The following SUPT20H variants were observed in gnomAD, a reference collection of about 807,000 sequenced individuals.
SUPT20H encodes transcription factor SPT20 homolog.
SUPT20H carries 82 observed loss-of-function variants against 122.8 expected under a neutral mutation model. The observed-to-expected ratio is 0.67, with a 90% CI of 0.56 to 0.80. The LOEUF is 0.80. SUPT20H is among the 30% of genes least tolerant of loss of function. The pLI is 0.00. For missense variants in SUPT20H, 831 were observed against 921.6 expected (o/e 0.90, Z 1.27); for synonymous variants, 291 against 313.0 (o/e 0.93, Z 0.74).
intron 25 of SUPT20H, among the ~76,000 whole-genome samples, chr13:37,010,310 G>A (rs577447425): frequency 1.3e-5 from 2 of 152,290 alleles, no homozygotes; most frequent in East Asian, 1.9e-4. Flanking sequence ...CTAGAAAAAT[G>A]TATGTTAATG....
rs960418572 is a variant in SUPT20H, at chr13:37,033,347, C to T, written c.707+102G>A. On this transcript the variant is annotated intron_variant, in intron 10 of 25. Transcript: ENST00000350612. ...GAGACCTCATCTCTACCCTTCCCCA[C>T]CAAAATCGGAGCAACCATACCCTGG... 6.3e-6 allele frequency: 9 copies of T among 1,438,010 alleles called. No individual in the cohort carries two copies. In the East Asian group the frequency reaches 9.5e-5, roughly 15 times the overall value. The allele number at this position is 1,438,010 out of a possible 1,614,324, so 89.1% of individuals were successfully genotyped here.
chr13:37,028,296 C>G lies in SUPT20H; in HGVS notation c.1003G>C (p.Asp335His). The G allele has an allele frequency of 6.2e-7, 1 of 1,605,798 alleles. No homozygotes were observed. The highest frequency in any genetic ancestry group is 8.5e-7 in the Non-Finnish European group (1 of 1,177,444). The stretch of plus-strand genomic sequence containing the variant: ...GCTTCACATTCAAATACATAATCAT[C>G]TTTTACATCCTGAAAAATGCATAGC... ...PTVWPAHDVKDDYVFECEAGT... is the reference protein window; with the variant it reads ...PTVWPAHDVKHDYVFECEAGT... The change falls in exon 14 of 26, where the codon GAT becomes CAT. Residue 335 changes from aspartate (D) to histidine (H), a missense_variant. Transcript: ENST00000350612.
intron 14 of SUPT20H, among the ~76,000 whole-genome samples, chr13:37,027,547 T>C (rs1430882666): frequency 6.6e-6 from 1 of 152,094 alleles, no homozygotes; most frequent in Admixed American, 6.5e-5. Flanking sequence ...CCCCCATCCT[T>C]TTCTGCTGAG....
chr13:37,029,218 T>C (rs1364608930), intron 13 of SUPT20H, among the ~76,000 whole-genome samples: 1 of 152,130 alleles, frequency 6.6e-6, no homozygotes, highest in Non-Finnish European at 1.5e-5. Flanking sequence ...AAAGTAAAAA[T>C]GAAGTTCTTC....
At chr13:37,049,244 A>G (rs1351117120) in intron 2 of SUPT20H, among the ~76,000 whole-genome samples, 1 of 152,152 alleles carries the variant, frequency 6.6e-6, no homozygotes, top group Non-Finnish European at 1.5e-5. Context: ...ATTCAGTAAT[A>G]TTAAAATATA....
At chr13:37,042,444 G>C (rs78306534) in intron 7 of SUPT20H, among the ~76,000 whole-genome samples, 3,028 of 152,204 alleles carry the variant, frequency 0.02, 92 homozygotes, top group African/African-American at 0.069. Flanking sequence ...GAAAAACAGA[G>C]AGCCAAGGAC....
Position 37,009,416 on chromosome 13 carries a change from T to C in SUPT20H, c.*256A>G, listed in dbSNP as rs2059210553. On this transcript the variant is annotated 3_prime_UTR_variant, in exon 26 of 26. Coordinates refer to ENST00000350612, the MANE Select transcript of SUPT20H (RefSeq NM_001014286.3). ...TTCTTCTGAAAGATGTTTCTATTAT[T>C]TCTTAGGTCACTTCCATATATATTA... 2.2e-5 allele frequency: 17 copies of C among 763,340 alleles called. No individual in the cohort carries two copies. The South Asian group carries it at 3.2e-4, about 14-fold the overall frequency. The allele number at this position is 763,340 out of a possible 1,614,324, so 47.3% of individuals were successfully genotyped here.
chr13:37,048,543 T>C (rs1191046288), intron 3 of SUPT20H, 21 bp downstream of exon 3: 3 of 1,568,276 alleles, frequency 1.9e-6, no homozygotes, highest in African/African-American at 1.4e-5. Context: ...TATTTCAATA[T>C]GTAACTTAGT....
At chr13:37,019,482 A>G in intron 21 of SUPT20H, 85 bp from the exon 22 acceptor site, 1 of 911,470 alleles carries the variant, frequency 1.1e-6, no homozygotes, top group African/African-American at 1.7e-5. Context: ...TATAAGTACA[A>G]TAATTTTATG....
chr13:37,048,571 C>A lies in SUPT20H; in HGVS notation c.32G>T (p.Arg11Leu), dbSNP rs143790094. ...AACTTAGTCACACCTCACCTCTGCA[C>A]GATCCAAAGCTAGTTCTAAAGCTTG... is the stretch of plus-strand genomic sequence containing the variant. MQQALELALD[R>L]AEYVIESARQ... is the part of the protein sequence containing the mutation. The change falls in exon 3 of 26, where the codon CGT becomes CTT. Residue 11 changes from arginine to leucine, a missense_variant. By Grantham distance (102) the Arg-to-Leu change is moderately radical (BLOSUM62 -2). Transcript: ENST00000350612. 1 of 1,598,340 alleles carries A rather than the reference C, an allele frequency of 6.3e-7. No individual in the cohort carries two copies. Among genetic ancestry groups the A allele is most frequent in the Non-Finnish European group, 8.5e-7 (1 of 1,173,204 alleles).
At chr13:37,047,730 A>G in intron 4 of SUPT20H, 129 bp from the exon 5 acceptor site, 1 of 1,199,240 alleles carries the variant, frequency 8.3e-7, no homozygotes, top group South Asian at 1.9e-5. Context: ...GGTGGAGCTG[A>G]ATATAGTAGC....
rs751244085 is a variant in SUPT20H, at chr13:37,012,147, G to A, written c.2098+45C>T. ...AAGCGGTGAGATCCCAAATAGATTA[G>A]ATATGTTTAGTAAATTCAGCATATA... On this transcript the variant is annotated intron_variant, in intron 24 of 25. Coordinates refer to ENST00000350612, the MANE Select transcript of SUPT20H (RefSeq NM_001014286.3). The A allele has an allele frequency of 4.2e-6, 6 of 1,429,430 alleles. No individual in the cohort carries two copies. In the Admixed American group the frequency reaches 6.9e-5, roughly 16 times the overall value. The allele number at this position is 1,429,430 out of a possible 1,614,324, so 88.5% of individuals were successfully genotyped here. A position where few individuals can be genotyped will look rare whatever the true frequency, so the allele number is the denominator to read the frequency against.
chr13:37,042,931 A>G (rs558488181), intron 7 of SUPT20H, among the ~76,000 whole-genome samples: 3 of 152,332 alleles, frequency 2.0e-5, no homozygotes, highest in South Asian at 4.1e-4. Context: ...AAATATTTGC[A>G]TTATACTTAG....
intron 22 of SUPT20H, among the ~76,000 whole-genome samples, chr13:37,019,098 A>G (rs563624976): frequency 1.3e-5 from 2 of 152,310 alleles, no homozygotes; most frequent in African/African-American, 4.8e-5. Context: ...GTAGGTGCAA[A>G]TTCTCCCCAC....
chr13:37,050,458 C>T (rs2067443885), intron 2 of SUPT20H, among the ~76,000 whole-genome samples: 1 of 151,910 alleles, frequency 6.6e-6, no homozygotes, highest in Non-Finnish European at 1.5e-5. Context: ...CCATGTTCCA[C>T]CATGAAAACA....
chr13:37,059,066 C>G (rs2069979336), intron 1 of SUPT20H: 1 of 152,180 alleles, frequency 6.6e-6, no homozygotes, highest in South Asian at 2.1e-4. Flanking sequence ...CGCCGGGTAA[C>G]CATGGCCAGT....
intron 21 of SUPT20H, among the ~76,000 whole-genome samples, chr13:37,019,827 A>AT (rs539188653): frequency 1.9e-4 from 28 of 151,242 alleles, no homozygotes; most frequent in South Asian, 4.2e-4. Context: ...GCTTTATGCT[A>AT]TTTTTTTTTA....
intron 1 of SUPT20H, among the ~76,000 whole-genome samples, chr13:37,054,923 A>G (rs1352917162): frequency 6.6e-6 from 1 of 152,256 alleles, no homozygotes; most frequent in African/African-American, 2.4e-5. Flanking sequence ...GCAAAGTCTC[A>G]GGATACAAAA....
chr13:37,029,915 G>A (rs1297482427), intron 12 of SUPT20H, 79 bp from the exon 13 acceptor site: 6 of 1,132,426 alleles, frequency 5.3e-6, no homozygotes, highest in Admixed American at 2.6e-5. Flanking sequence ...TGATCAAAGA[G>A]AAGAAACTAA....
Sources: allele counts gnomAD v4.1 joint callset (sites outside exome capture counted in the v4.1 genomes callset), GRCh38; gene constraint gnomAD v4.1.1; transcripts MANE v1.5; gene names NCBI Gene and HGNC (gene_info 2026-07-23, HGNC 2026-07-21).